AKAP12: variants seen among roughly 807,000 people sequenced by gnomAD.
AKAP12 encodes A-kinase anchor protein 12.
AKAP12 carries 32 observed loss-of-function variants against 79.9 expected under a neutral mutation model. The observed-to-expected ratio is 0.40, with a 90% CI of 0.30 to 0.54. The LOEUF is 0.54. AKAP12 is among the 20% of genes least tolerant of loss of function. The probability of loss-of-function intolerance (pLI) is 0.48; values close to 1 mark genes in which losing one functional copy is unlikely to be tolerated. For synonymous variants in AKAP12, 808 were observed against 857.0 expected, an observed-to-expected ratio of 0.94 and a Z score of 1.00; for missense variants, 2,074 against 2,177.0, an observed-to-expected ratio of 0.95 and a Z score of 0.94.
chr6:151,241,548 T>C (rs1796976889), intron 2 of AKAP12, among the ~76,000 whole-genome samples: 1 of 152,192 alleles, frequency 6.6e-6, no homozygotes, highest in South Asian at 2.1e-4. Context: ...TTTTATCGGC[T>C]TCAGTCTTCA....
At chr6:151,280,624 CTTTCTT>C (rs1776384283) in intron 2 of AKAP12, 2 of 146,966 alleles carry the variant, frequency 1.4e-5, no homozygotes, top group Non-Finnish European at 3.0e-5. Context: ...CTTTTCTTTT[CTTTCTT>C]TTTCTTTTTC....
At chr6:151,242,740 T>C (rs987685886) in intron 2 of AKAP12, among the ~76,000 whole-genome samples, 1 of 152,204 alleles carries the variant, frequency 6.6e-6, no homozygotes, top group Non-Finnish European at 1.5e-5. Flanking sequence ...TTCACATGTG[T>C]GGGTTTAGTG....
chr6:151,331,571 C>A (rs991691614), intron 3 of AKAP12, among the ~76,000 whole-genome samples: 1 of 152,148 alleles, frequency 6.6e-6, no homozygotes, highest in Admixed American at 6.5e-5. Context: ...CCATATCCAG[C>A]CTTTATTTTT....
intron 2 of AKAP12, among the ~76,000 whole-genome samples, chr6:151,297,748 A>C (rs1309169448): frequency 6.6e-6 from 1 of 151,956 alleles, no homozygotes; most frequent in African/African-American, 2.4e-5. Context: ...AGCTGTTTCT[A>C]ATTTTGTTGG....
At chr6:151,329,481 AT>A (rs1777615467) in intron 3 of AKAP12, among the ~76,000 whole-genome samples, 1 of 152,090 alleles carries the variant, frequency 6.6e-6, no homozygotes, top group Admixed American at 6.6e-5. Flanking sequence ...GATAATATTG[AT>A]ACATTGCAAA....
chr6:151,303,677 A>G (rs1441162088), intron 2 of AKAP12, among the ~76,000 whole-genome samples: 3 of 152,232 alleles, frequency 2.0e-5, no homozygotes, highest in Non-Finnish European at 2.9e-5. Context: ...GCTTTGTAGC[A>G]TGCAGGTCTG....
At chr6:151,320,309 G>T (rs1020241620) in intron 3 of AKAP12, among the ~76,000 whole-genome samples, 1 of 151,724 alleles carries the variant, frequency 6.6e-6, no homozygotes, top group Non-Finnish European at 1.5e-5. Flanking sequence ...TTATAGAGAT[G>T]GGATCTTGCT....
chr6:151,338,015 C>T (rs577201276), intron 3 of AKAP12, among the ~76,000 whole-genome samples: 1 of 152,238 alleles, frequency 6.6e-6, no homozygotes, highest in African/African-American at 2.4e-5. Context: ...CCTGCTTGGG[C>T]GATAGAGGGA....
chr6:151,350,154 A>G lies in AKAP12; in HGVS notation c.1763A>G (p.Gln588Arg), dbSNP rs1778237498. 4 of 1,613,964 alleles carry G rather than the reference A, an allele frequency of 2.5e-6. No homozygotes were observed. Among genetic ancestry groups the G allele is most frequent in the Non-Finnish European group, 3.4e-6 (4 of 1,180,016 alleles). ...CLEKGLAEVQ[Q>R]DGEAEEGATS... ...GAAAAGGGCTTAGCCGAGGTGCAGC[A>G]GGATGGGGAAGCTGAAGAAGGAGCT... The change falls in exon 4 of 5, where the codon CAG (glutamine) becomes CGG (arginine). Residue 588 changes from glutamine to arginine, a missense_variant. Physicochemically the swap from Gln to Arg is conservative, Grantham distance 43 (BLOSUM62 1). Around this residue, in one of 3 missense-constraint regions of AKAP12, gnomAD observed 1,428 missense variants for 1,451.0 expected, o/e 0.98. Coordinates refer to ENST00000402676, the MANE Select transcript of AKAP12 (RefSeq NM_005100.4). This position sits in a 1 kb window ranked among gnomAD's most constrained non-coding sequence, Gnocchi z 4.8.
intron 2 of AKAP12, among the ~76,000 whole-genome samples, chr6:151,266,288 T>A (rs1363929463): frequency 6.6e-6 from 1 of 152,244 alleles, no homozygotes; most frequent in African/African-American, 2.4e-5. Flanking sequence ...TTTTTTGATC[T>A]TTACTTCAAT....
chr6:151,241,588 A>G (rs1176670589), intron 2 of AKAP12, among the ~76,000 whole-genome samples: 6 of 152,206 alleles, frequency 3.9e-5, no homozygotes, highest in African/African-American at 9.6e-5. Flanking sequence ...GGGCCAGGAC[A>G]GCCGCCAAGA....
chr6:151,318,413 T>C (rs1177139779), intron 3 of AKAP12, among the ~76,000 whole-genome samples: 1 of 152,234 alleles, frequency 6.6e-6, no homozygotes, highest in Non-Finnish European at 1.5e-5. Flanking sequence ...ATTCCCCTAA[T>C]CAAGTCCATT....
At chr6:151,286,810 A>T (rs1296566668) in intron 2 of AKAP12, among the ~76,000 whole-genome samples, 1 of 152,230 alleles carries the variant, frequency 6.6e-6, no homozygotes, top group East Asian at 1.9e-4. Context: ...TAGAGCTCAG[A>T]GCTCGAGAGA....
At chr6:151,353,873 A>G (rs1477483093) in intron 4 of AKAP12, 121 bp downstream of exon 4, 1 of 645,018 alleles carries the variant, frequency 1.6e-6, no homozygotes. Context: ...AGTTGAGGAA[A>G]ATAACTATCA....
chr6:151,256,681 ACT>A (rs1410414519), intron 2 of AKAP12, among the ~76,000 whole-genome samples: 1 of 151,376 alleles, frequency 6.6e-6, no homozygotes, highest in African/African-American at 2.4e-5. Context: ...ATGAAGTCTC[ACT>A]CTGTCACCCA....
At chr6:151,296,630 A>G (rs935416091) in intron 2 of AKAP12, among the ~76,000 whole-genome samples, 4 of 152,182 alleles carry the variant, frequency 2.6e-5, no homozygotes, top group Non-Finnish European at 5.9e-5. Flanking sequence ...TACAAAAATT[A>G]GCCGAGTGTG....
chr6:151,298,333 G>A (rs1373274531), intron 2 of AKAP12, among the ~76,000 whole-genome samples: 1 of 152,138 alleles, frequency 6.6e-6, no homozygotes, highest in Non-Finnish European at 1.5e-5. Context: ...AACTCCCAGA[G>A]CTTTCATTTT....
rs758947814 is a variant in AKAP12 at position 151,349,088 on chromosome 6, A to C, written c.697A>C (p.Lys233Gln). The C allele has an allele frequency of 2.1e-5, 34 of 1,612,344 alleles. No individual in the cohort carries two copies. The highest frequency in any genetic ancestry group is 2.5e-5 in the Non-Finnish European group (30 of 1,179,612). Residue 233 changes from lysine (K) to glutamine (Q), a missense_variant, in exon 4 of 5, where the codon AAA (lysine) becomes CAA (glutamine). This residue lies in a region of AKAP12 where 1,428 missense variants were observed against 1,451.0 expected (regional missense o/e 0.98). Coordinates refer to ENST00000402676, the MANE Select transcript of AKAP12 (RefSeq NM_005100.4). Reference sequence around the variant, plus strand: ...AGCAGCATCCAAAGAAAGCGAACCCAAACAATCTACAGAGAAACCCGAAGA... The same window carrying C: ...AGCAGCATCCAAAGAAAGCGAACCCCAACAATCTACAGAGAAACCCGAAGA... ...GEAASKESEP[K>Q]QSTEKPEETL...
rs551339622 is a variant in AKAP12 at position 151,354,429 on chromosome 6, A to G, written c.*12+677A>G. 3.0e-4 allele frequency among the ~76,000 whole-genome samples: 46 copies of G among 151,880 alleles called. No individual in the cohort carries two copies. The South Asian group carries it at 8.3e-3, about 27-fold the overall frequency. ...CGCTCTGTCATCCAGGCTGGAATGC[A>G]GTGGCGCGATCTCGGCTCACTGCAA... On this transcript the variant is annotated intron_variant, in intron 4 of 4. Transcript: ENST00000402676.
Sources: gnomAD v4.1 joint callset for allele counts (sites outside exome capture counted in the v4.1 genomes callset) on GRCh38, gnomAD v4.1.1 for gene constraint, gnomAD v4.1.1 regional missense constraint, Gnocchi (gnomAD v3.1) non-coding constraint, MANE v1.5 for transcripts, NCBI Gene and HGNC (gene_info 2026-07-23, HGNC 2026-07-21) for gene names.